U2AF2: variants seen among roughly 807,000 people sequenced by gnomAD.
U2AF2 encodes U2 small nuclear RNA auxiliary factor 2, also known as splicing factor U2AF 65 kDa subunit.
U2AF2 carries 6 observed loss-of-function variants against 52.6 expected under a neutral mutation model. That is an observed-to-expected ratio of 0.11 (90% CI 0.06 to 0.23). U2AF2 has a LOEUF of 0.23. Among genes scored for constraint, U2AF2 ranks in the 10% least tolerant of loss-of-function variants. The probability of loss-of-function intolerance (pLI) is 1.00; values close to 1 mark genes in which losing one functional copy is unlikely to be tolerated. For missense variants in U2AF2, 222 were observed against 677.1 expected (o/e 0.33, Z 7.46); for synonymous variants, 284 against 258.2 (o/e 1.10, Z -0.96).
intron 6 of U2AF2, among the ~76,000 whole-genome samples, chr19:55,663,018 A>T (rs567951752): frequency 3.9e-5 from 6 of 152,012 alleles, no homozygotes; most frequent in African/African-American, 1.4e-4. Context: ...GTTCCTAACT[A>T]GTCTTCTGTG....
Position 55,669,558 on chromosome 19 carries a change from G to C in U2AF2, c.1159G>C (p.Glu387Gln). 6.2e-7 allele frequency: 1 copy of C among 1,613,970 alleles called. No individual in the cohort carries two copies. Among genetic ancestry groups the C allele is most frequent in the Non-Finnish European group, 8.5e-7 (1 of 1,179,906 alleles). ...GTGCCTCATGAACATGGTGCTGCCT[G>C]AGGAGCTGCTGGACGACGAGGAGTA... ...VLCLMNMVLP[E>Q]ELLDDEEYEE... Residue 387 changes from glutamate (E) to glutamine (Q), a missense_variant, in exon 11 of 12, where the codon GAG (glutamate) becomes CAG (glutamine). By Grantham distance (29) the Glu-to-Gln change is conservative. Coordinates refer to ENST00000308924, the MANE Select transcript of U2AF2 (RefSeq NM_007279.3).
At chr19:55,656,734 C>T (rs1983820753) in intron 1 of U2AF2, among the ~76,000 whole-genome samples, 1 of 152,196 alleles carries the variant, frequency 6.6e-6, no homozygotes, top group South Asian at 2.1e-4. Flanking sequence ...AAAACTTTCT[C>T]AGGGCTCAGC....
At chr19:55,660,446 G>A in intron 3 of U2AF2, 70 bp from the exon 4 acceptor site, 1 of 1,170,558 alleles carries the variant, frequency 8.5e-7, no homozygotes, top group Non-Finnish European at 1.3e-6. Context: ...TGCCTGGGAG[G>A]GGGCTCGCAG....
At chr19:55,667,258 T>G (rs540430829) in intron 7 of U2AF2, among the ~76,000 whole-genome samples, 80 of 152,244 alleles carry the variant, frequency 5.3e-4, no homozygotes, top group South Asian at 3.9e-3. Flanking sequence ...CTTCTGAGGC[T>G]CTTTCCCATT....
intron 7 of U2AF2, chr19:55,664,077 G>A (rs1486411870): frequency 3.8e-6 from 1 of 264,900 alleles, no homozygotes; most frequent in Non-Finnish European, 7.2e-6. Context: ...GGAGGGCTCA[G>A]TCTGTGCCCG....
At position 55,674,137 on chromosome 19, in the gene U2AF2, C is replaced by T. The variant is rs1160498991; in HGVS notation, c.*69C>T. On this transcript the variant is annotated 3_prime_UTR_variant, in exon 12 of 12. Coordinates refer to ENST00000308924, the MANE Select transcript of U2AF2 (RefSeq NM_007279.3). ...TCCCCACTCCCGCCCCCCCCTTATC[C>T]CCCTCTGAAGACGATGGGCAGAGGA... is the stretch of plus-strand genomic sequence containing the variant. 2 of 1,491,708 alleles carry T rather than the reference C, an allele frequency of 1.3e-6. No individual in the cohort carries two copies. Among genetic ancestry groups the T allele is most frequent in the East Asian group, 2.5e-5 (1 of 40,708 alleles). The allele number at this position is 1,491,708 out of a possible 1,614,324, so 92.4% of individuals were successfully genotyped here. A position where few individuals can be genotyped will look rare whatever the true frequency, so the allele number is the denominator to read the frequency against.
At chr19:55,657,750 A>G (rs1484975121) in intron 1 of U2AF2, among the ~76,000 whole-genome samples, 3 of 152,292 alleles carry the variant, frequency 2.0e-5, no homozygotes, top group East Asian at 1.9e-4. Context: ...GTTCTGCCTG[A>G]TCCACATTCG....
chr19:55,667,720 A>G (rs1188542840), intron 7 of U2AF2, among the ~76,000 whole-genome samples: 1 of 151,532 alleles, frequency 6.6e-6, no homozygotes, highest in Non-Finnish European at 1.5e-5. Context: ...CACCCCTGTG[A>G]GGGCAGTTGC....
intron 6 of U2AF2, among the ~76,000 whole-genome samples, 183 bp from the exon 7 acceptor site, chr19:55,663,423 G>A (rs574066513): frequency 1.3e-5 from 2 of 152,242 alleles, no homozygotes; most frequent in African/African-American, 2.4e-5. Flanking sequence ...TTTAATGGTC[G>A]AGTGTGAGCT....
chr19:55,662,961 GCTAA>G (rs1193346674), intron 6 of U2AF2, among the ~76,000 whole-genome samples: 1 of 151,964 alleles, frequency 6.6e-6, no homozygotes, highest in Non-Finnish European at 1.5e-5. Context: ...CTTTACACCA[GCTAA>G]CTGATGTTCC....
rs1310883831 is a variant in U2AF2, at chr19:55,668,321, G to A, written c.743-186G>A. Among the ~76,000 whole-genome samples the A allele has an allele frequency of 1.3e-5, 2 of 152,178 alleles. No homozygotes were observed. The highest frequency in any genetic ancestry group is 2.9e-5 in the Non-Finnish European group (2 of 68,024). ...TGCGTTCTCCCCGAGGAGCCTCTGT[G>A]TGCCACTGCCCAGGACCCTCACTGG... is the stretch of plus-strand genomic sequence containing the variant. On this transcript the variant is annotated intron_variant, in intron 7 of 11. Coordinates refer to ENST00000308924, the MANE Select transcript of U2AF2 (RefSeq NM_007279.3). The surrounding 1 kb of genome is among the most constrained non-coding windows in gnomAD (Gnocchi z 5.5).
chr19:55,659,344 A>G lies in U2AF2; in HGVS notation c.184A>G (p.Ser62Gly). Residue 62 changes from serine (S) to glycine (G), a missense_variant and splice_region_variant, in exon 2 of 12, where the codon AGC becomes GGC. By Grantham distance (56) the Ser-to-Gly change is moderately conservative. Transcript: ENST00000308924. ...RSASRDRRRR[S>G]KPLTRGAKEE... ...CGCCTCCCGGGACAGGCGACGACGC[A>G]GGTACTAGGGCTCAGGGATCCCCTG... is the stretch of plus-strand genomic sequence containing the variant. 2.0e-6 allele frequency: 3 copies of G among 1,524,164 alleles called. No individual in the cohort carries two copies. Among genetic ancestry groups the G allele is most frequent in the Non-Finnish European group, 2.7e-6 (3 of 1,130,570 alleles). The allele number at this position is 1,524,164 out of a possible 1,614,324, so 94.4% of individuals were successfully genotyped here.
rs745818559 is a variant in U2AF2 at position 55,661,108 on chromosome 19, G to A, written c.405G>A (p.Thr135=). 6.8e-6 allele frequency: 11 copies of A among 1,612,570 alleles called. No homozygotes were observed. The highest frequency in any genetic ancestry group is 2.2e-5 in the South Asian group (2 of 91,016). ...MTPDGLAVTP[T]PVPVVGSQMT... ...CTGACGGTCTGGCTGTGACCCCAAC[G>A]CCGGTGCCCGTGGTCGGGAGCCAGA... The change falls in exon 5 of 12, where the codon ACG becomes ACA. Residue 135 remains threonine (T), a synonymous_variant. Coordinates refer to ENST00000308924, the MANE Select transcript of U2AF2 (RefSeq NM_007279.3).
chr19:55,657,660 A>G (rs564793238), intron 1 of U2AF2, among the ~76,000 whole-genome samples: 2 of 152,136 alleles, frequency 1.3e-5, no homozygotes, highest in African/African-American at 4.8e-5. Context: ...GTTCCTCCCA[A>G]TTTCAGTTTT....
chr19:55,658,192 G>A (rs1983916244), intron 1 of U2AF2, among the ~76,000 whole-genome samples: 1 of 152,086 alleles, frequency 6.6e-6, no homozygotes, highest in African/African-American at 2.4e-5. Context: ...ACATATATAA[G>A]CACCTTAACG....
intron 7 of U2AF2, chr19:55,664,108 CG>C (rs1984392970): frequency 4.7e-6 from 1 of 211,250 alleles, no homozygotes; most frequent in African/African-American, 2.3e-5. Flanking sequence ...TGTGTGTCGA[CG>C]GTTGGCAGCA....
intron 1 of U2AF2, among the ~76,000 whole-genome samples, chr19:55,656,001 G>A (rs1187716992): frequency 6.6e-6 from 1 of 152,186 alleles, no homozygotes; most frequent in East Asian, 1.9e-4. Flanking sequence ...AGGTTCTGAG[G>A]GAGGAAGAGG....
At position 55,656,260 on chromosome 19, in the gene U2AF2, C is replaced by T. The variant is rs1308855894; in HGVS notation, c.49+1107C>T. On this transcript the variant is annotated intron_variant, in intron 1 of 11. Coordinates refer to ENST00000308924, the MANE Select transcript of U2AF2 (RefSeq NM_007279.3). ...TTTTCAGGCTTCAGCTGCCCATGTT[C>T]CTAGCTCGTTCGGAGGACGAAATGA... 2.0e-5 allele frequency among the ~76,000 whole-genome samples: 3 copies of T among 152,180 alleles called. No homozygotes were observed. The East Asian group carries it at 5.8e-4, about 29-fold the overall frequency.
chr19:55,672,244 AG>A (rs1403036322), intron 11 of U2AF2, among the ~76,000 whole-genome samples: 2 of 152,170 alleles, frequency 1.3e-5, no homozygotes, highest in Non-Finnish European at 2.9e-5. Context: ...TTTTTATCAT[AG>A]TATATGTGCT....
Sources: gnomAD v4.1 joint callset for allele counts (sites outside exome capture counted in the v4.1 genomes callset) on GRCh38, gnomAD v4.1.1 for gene constraint, Gnocchi (gnomAD v3.1) non-coding constraint, MANE v1.5 for transcripts, NCBI Gene and HGNC (gene_info 2026-07-23, HGNC 2026-07-21) for gene names.